The following DENND2B variants were observed in gnomAD, a reference collection of about 807,000 sequenced individuals.
DENND2B encodes DENN domain containing 2B, also known as DENN domain-containing protein 2B.
A neutral mutation model predicts 116.0 loss-of-function variants in DENND2B; 32 were observed. That is an observed-to-expected ratio of 0.28 (90% CI 0.21 to 0.37). The LOEUF is 0.37. Among genes scored for constraint, DENND2B ranks in the 10% least tolerant of loss-of-function variants. The pLI is 1.00. For missense variants in DENND2B, 1,276 were observed against 1,477.7 expected (o/e 0.86, Z 2.24); for synonymous variants, 588 against 583.9 (o/e 1.01, Z -0.10).
At chr11:8,718,044 T>G in intron 4 of DENND2B, 152 bp from the exon 5 acceptor site, 1 of 754,912 alleles carries the variant, frequency 1.3e-6, no homozygotes. Context: ...GCTGCCCGTC[T>G]GCAGTGGGGA....
At chr11:8,876,377 A>G (rs1375329402), upstream of DENND2B, among the ~76,000 whole-genome samples, 1 of 152,160 alleles carries the variant, frequency 6.6e-6, no homozygotes, top group Admixed American at 6.5e-5. Flanking sequence ...TGTGTTACTT[A>G]TGTCTTTTTT....
chr11:8,787,336 TTTTC>T (rs1254906053), intron 1 of DENND2B: 1 of 59,906 alleles, frequency 1.7e-5, no homozygotes, highest in Admixed American at 2.9e-4. Context: ...GAGCTGACAG[TTTTC>T]TTTTTCATTT....
chr11:8,749,628 C>G (rs1181579363), intron 2 of DENND2B, among the ~76,000 whole-genome samples: 1 of 152,152 alleles, frequency 6.6e-6, no homozygotes, highest in Non-Finnish European at 1.5e-5. Context: ...CTGAATGAAC[C>G]AAATGTTTAC....
rs534655788 is a variant in DENND2B at position 8,910,444 on chromosome 11, A to T, written c.-256+377T>A. 4.7e-4 allele frequency among the ~76,000 whole-genome samples: 72 copies of T among 152,012 alleles called. 1 individual carries two copies. Among genetic ancestry groups the T allele is most frequent in the African/African-American group, 1.7e-3 (70 of 41,484 alleles). On this transcript the variant is annotated intron_variant, in intron 1 of 22. Transcript: ENST00000534127. ...AGTCTTCCTCTGTCGCCCAGGCTGG[A>T]GTGCAGTGGCGCGATCTCGTCTCAC...
chr11:8,838,866 A>C (rs2134608008), intron 4 of DENND2B, among the ~76,000 whole-genome samples: 1 of 152,374 alleles, frequency 6.6e-6, no homozygotes, highest in East Asian at 1.9e-4. Flanking sequence ...ACCAACACAA[A>C]GCTTGATCAA....
At chr11:8,742,713 T>A (rs953961246) in intron 2 of DENND2B, among the ~76,000 whole-genome samples, 17 of 152,376 alleles carry the variant, frequency 1.1e-4, no homozygotes, top group African/African-American at 4.1e-4. Flanking sequence ...AAGGGCTTGC[T>A]GGTTTTCACT....
chr11:8,769,030 A>T (rs1050462172), intron 1 of DENND2B, among the ~76,000 whole-genome samples: 5 of 152,096 alleles, frequency 3.3e-5, no homozygotes, highest in African/African-American at 1.2e-4. Flanking sequence ...TACTGTAGTA[A>T]TGTGGCTTAG....
chr11:8,847,052 T>G (rs2062840516), intron 3 of DENND2B, among the ~76,000 whole-genome samples: 1 of 152,258 alleles, frequency 6.6e-6, no homozygotes, highest in Non-Finnish European at 1.5e-5. Context: ...ATGTGGATTC[T>G]GAATTCTTGG....
chr11:8,802,854 C>T (rs114269454), intron 1 of DENND2B, among the ~76,000 whole-genome samples: 135 of 152,316 alleles, frequency 8.9e-4, no homozygotes, highest in African/African-American at 3.0e-3. Context: ...AAGGCTGAGG[C>T]CTCCTTGTAC....
At chr11:8,903,216 A>G (rs1378075117) in intron 1 of DENND2B, among the ~76,000 whole-genome samples, 2 of 152,040 alleles carry the variant, frequency 1.3e-5, no homozygotes, top group African/African-American at 2.4e-5. Flanking sequence ...GTTTCACTCC[A>G]GCATAGGCCA....
At chr11:8,894,622 T>C (rs1382603173) in intron 1 of DENND2B, among the ~76,000 whole-genome samples, 2 of 152,158 alleles carry the variant, frequency 1.3e-5, no homozygotes, top group Non-Finnish European at 2.9e-5. Flanking sequence ...AGAAGACATT[T>C]ATGCAGCCAA....
intron 2 of DENND2B, among the ~76,000 whole-genome samples, chr11:8,861,078 A>G (rs1045586164): frequency 6.6e-6 from 1 of 152,210 alleles, no homozygotes; most frequent in African/African-American, 2.4e-5. Context: ...GAAACCATAA[A>G]AATTCTAAAA....
intron 16 of DENND2B, 126 bp downstream of exon 16, chr11:8,698,807 G>C (rs1025927443): frequency 1.7e-6 from 2 of 1,145,018 alleles, no homozygotes; most frequent in African/African-American, 1.5e-5. Flanking sequence ...CCCCACCCTT[G>C]ACTAGTCTGT....
At chr11:8,902,305 G>A (rs1029995390) in intron 1 of DENND2B, among the ~76,000 whole-genome samples, 2 of 144,956 alleles carry the variant, frequency 1.4e-5, no homozygotes, top group Non-Finnish European at 3.0e-5. Context: ...CAGTGTAGGT[G>A]ACAGAGTGAG....
chr11:8,879,399 G>A (rs1169652587), intron 2 of DENND2B, among the ~76,000 whole-genome samples: 1 of 152,210 alleles, frequency 6.6e-6, no homozygotes. Flanking sequence ...GTGAGAAGCT[G>A]TTATTGCAGC....
At chr11:8,760,897 T>C (rs35670750) in intron 1 of DENND2B, among the ~76,000 whole-genome samples, 43,295 of 151,964 alleles carry the variant, frequency 0.28, 6,656 homozygotes, top group Middle Eastern at 0.43. Flanking sequence ...GGCTGAAATC[T>C]CCCTCAATCA....
intron 3 of DENND2B, among the ~76,000 whole-genome samples, chr11:8,852,173 T>C (rs990412984): frequency 1.3e-5 from 2 of 152,174 alleles, no homozygotes; most frequent in Admixed American, 6.5e-5. Flanking sequence ...CCTACTATGT[T>C]GACAAGCTAC....
intron 1 of DENND2B, among the ~76,000 whole-genome samples, chr11:8,902,103 G>A (rs1589887893): frequency 1.3e-5 from 2 of 152,046 alleles, no homozygotes; most frequent in Admixed American, 6.6e-5. Context: ...TGAGGTGGGC[G>A]AATCATGAGG....
At chr11:8,727,914 T>C (rs1035280036) in intron 3 of DENND2B, among the ~76,000 whole-genome samples, 1 of 151,572 alleles carries the variant, frequency 6.6e-6, no homozygotes, top group African/African-American at 2.4e-5. Flanking sequence ...TTTTTTTTTT[T>C]TTTGGCTGAA....
Sources: gnomAD v4.1 joint callset for allele counts (sites outside exome capture counted in the v4.1 genomes callset) on GRCh38, gnomAD v4.1.1 for gene constraint, MANE v1.5 for transcripts, NCBI Gene and HGNC (gene_info 2026-07-23, HGNC 2026-07-21) for gene names.